The following ADGRL3 variants were observed in gnomAD, a reference collection of about 807,000 sequenced individuals.
ADGRL3 encodes the protein calcium-independent alpha-latrotoxin receptor 3.
A neutral mutation model predicts 153.5 loss-of-function variants in ADGRL3; 62 were observed. The ratio of observed to expected loss-of-function variants is 0.40; its 90% CI spans 0.33 to 0.50. The LOEUF is 0.50. ADGRL3 is among the 20% of genes least tolerant of loss of function. The probability of loss-of-function intolerance (pLI) is 0.47; values close to 1 mark genes in which losing one functional copy is unlikely to be tolerated. For missense variants in ADGRL3, 1,641 were observed against 1,859.4 expected (o/e 0.88, Z 2.16); for synonymous variants, 710 against 672.5 (o/e 1.06, Z -0.86).
chr4:61,543,773 C>T (rs2098701541), intron 4 of ADGRL3, among the ~76,000 whole-genome samples: 1 of 152,156 alleles, frequency 6.6e-6, no homozygotes, highest in South Asian at 2.1e-4. Context: ...GTGTGCTATT[C>T]ATCTTATTTA....
At chr4:61,558,173 C>CATATATATATATATAT (rs33947698) in intron 4 of ADGRL3, among the ~76,000 whole-genome samples, 98 of 129,022 alleles carry the variant, frequency 7.6e-4, no homozygotes, top group African/African-American at 1.6e-3. Flanking sequence ...ATGTAGGAAT[C>CATATATATATATATAT]ATATATATAT....
At chr4:61,529,599 C>A (rs146201137) in intron 4 of ADGRL3, among the ~76,000 whole-genome samples, 1 of 152,122 alleles carries the variant, frequency 6.6e-6, no homozygotes, top group East Asian at 1.9e-4. Context: ...TGGATTGGGG[C>A]TAGGTTATTT....
At chr4:61,459,267 A>C (rs1156366436) in intron 2 of ADGRL3, among the ~76,000 whole-genome samples, 2 of 151,916 alleles carry the variant, frequency 1.3e-5, no homozygotes, top group African/African-American at 4.8e-5. Context: ...AAACAAATAA[A>C]GTCTTTGTCC....
chr4:61,364,388 A>G (rs909932300), intron 1 of ADGRL3, among the ~76,000 whole-genome samples: 7 of 151,778 alleles, frequency 4.6e-5, no homozygotes, highest in African/African-American at 1.7e-4. Context: ...ATATGAGTAT[A>G]TGGGCAATAT....
intron 3 of ADGRL3, among the ~76,000 whole-genome samples, chr4:61,501,334 A>G (rs2098384477): frequency 6.6e-6 from 1 of 152,188 alleles, no homozygotes; most frequent in Non-Finnish European, 1.5e-5. Context: ...TTGCAGAGCT[A>G]TTTTAAGAAA....
At chr4:61,973,765 A>G (rs1211879376) in intron 17 of ADGRL3, among the ~76,000 whole-genome samples, 2 of 152,210 alleles carry the variant, frequency 1.3e-5, no homozygotes, top group African/African-American at 4.8e-5. Flanking sequence ...AGACCCTGAC[A>G]AAATTTTTTA....
rs1323409601 is a variant in ADGRL3, at chr4:62,075,132, TA to T, written c.*4225del. 1 of 152,070 alleles carries T rather than the reference TA, an allele frequency of 6.6e-6. No individual in the cohort carries two copies. The highest frequency in any genetic ancestry group is 2.4e-5 in the African/African-American group (1 of 41,416). The allele number at this position is 152,070 out of a possible 1,614,324, so 9.4% of individuals were successfully genotyped here. ...CATCCCCTAATAATGAAAAAACAAT[TA>T]GTTTTTAGAAGTTGTCTATCAGTAC... On this transcript the variant is annotated 3_prime_UTR_variant, in exon 27 of 27. Coordinates refer to ENST00000683033, the MANE Select transcript of ADGRL3 (RefSeq NM_001387552.1).
At chr4:61,663,687 C>T (rs1158862909) in intron 5 of ADGRL3, among the ~76,000 whole-genome samples, 1 of 152,236 alleles carries the variant, frequency 6.6e-6, no homozygotes, top group African/African-American at 2.4e-5. Context: ...GGGAAAGTGA[C>T]ATCCCACGTC....
At chr4:62,059,889 C>G (rs1739127648) in intron 25 of ADGRL3, among the ~76,000 whole-genome samples, 1 of 152,034 alleles carries the variant, frequency 6.6e-6, no homozygotes, top group African/African-American at 2.4e-5. Flanking sequence ...TTTCACTGAT[C>G]AAAGTACTTT....
At chr4:61,236,695 G>A (rs1431695356) in intron 1 of ADGRL3, among the ~76,000 whole-genome samples, 1 of 152,058 alleles carries the variant, frequency 6.6e-6, no homozygotes, top group East Asian at 1.9e-4. Flanking sequence ...ATAGGCTCAT[G>A]TTGTCTGCCT....
chr4:61,434,276 G>C (rs920728794), intron 2 of ADGRL3, among the ~76,000 whole-genome samples: 1 of 151,934 alleles, frequency 6.6e-6, no homozygotes, highest in African/African-American at 2.4e-5. Flanking sequence ...GGTCATGGTG[G>C]GAAAAATGCT....
chr4:61,595,686 C>A (rs1368205566), intron 5 of ADGRL3, among the ~76,000 whole-genome samples: 1 of 152,180 alleles, frequency 6.6e-6, no homozygotes, highest in East Asian at 1.9e-4. Context: ...TCCTAAGTCA[C>A]ATGCCACCCA....
chr4:61,558,470 C>T (rs2098778977), intron 4 of ADGRL3, among the ~76,000 whole-genome samples: 1 of 151,794 alleles, frequency 6.6e-6, no homozygotes, highest in Non-Finnish European at 1.5e-5. Context: ...TTTACCAATA[C>T]TAGAGACCAG....
chr4:61,336,341 G>T (rs2095673300), intron 1 of ADGRL3, among the ~76,000 whole-genome samples: 1 of 152,138 alleles, frequency 6.6e-6, no homozygotes, highest in Admixed American at 6.5e-5. Flanking sequence ...TGGACCTGAG[G>T]AATGATTTGG....
intron 17 of ADGRL3, among the ~76,000 whole-genome samples, chr4:61,975,062 G>A (rs951371247): frequency 6.6e-6 from 1 of 152,144 alleles, no homozygotes; most frequent in African/African-American, 2.4e-5. Flanking sequence ...TGGAGGATTG[G>A]TAATCAGAAG....
chr4:61,949,372 A>G (rs967145539), intron 17 of ADGRL3, among the ~76,000 whole-genome samples: 2 of 152,178 alleles, frequency 1.3e-5, no homozygotes, highest in Non-Finnish European at 2.9e-5. Context: ...TGAATATTGT[A>G]TGTCATAAAC....
chr4:61,907,598 TATATG>T (rs944441490), intron 11 of ADGRL3, among the ~76,000 whole-genome samples: 8 of 150,912 alleles, frequency 5.3e-5, no homozygotes, highest in South Asian at 4.2e-4. Flanking sequence ...ACATGATATA[TATATG>T]ATATATGTAT....
chr4:61,921,055 G>A (rs2098766576), intron 13 of ADGRL3, among the ~76,000 whole-genome samples: 1 of 151,772 alleles, frequency 6.6e-6, no homozygotes, highest in African/African-American at 2.4e-5. Context: ...GACAATACAA[G>A]GGTAACTTTT....
intron 8 of ADGRL3, among the ~76,000 whole-genome samples, chr4:61,784,812 G>A (rs943256458): frequency 3.3e-5 from 5 of 152,104 alleles, no homozygotes; most frequent in African/African-American, 7.2e-5. Flanking sequence ...GTTGAAAGAT[G>A]AGGGTATTTA....
Sources: allele counts gnomAD v4.1 joint callset (sites outside exome capture counted in the v4.1 genomes callset), GRCh38; gene constraint gnomAD v4.1.1; transcripts MANE v1.5; gene names NCBI Gene and HGNC (gene_info 2026-07-23, HGNC 2026-07-21).